NDE1: variants seen among roughly 807,000 people sequenced by gnomAD.
NDE1 encodes nudE neurodevelopment protein 1.
Under a neutral mutation model 43.4 loss-of-function variants are expected in NDE1, and 28 were observed. The observed-to-expected ratio is 0.65, with a 90% CI of 0.48 to 0.89. The LOEUF (loss-of-function observed/expected upper bound fraction) is 0.89, where lower values mean the gene tolerates loss of function less well. Among genes scored for constraint, NDE1 ranks in the 40% least tolerant of loss-of-function variants. The pLI is 0.00. For synonymous variants in NDE1, 184 were observed against 172.0 expected (o/e 1.07, Z -0.55); for missense variants, 441 against 434.1 (o/e 1.02, Z -0.14).
chr16:15,670,926 G>A (rs1292692093), intron 3 of NDE1, among the ~76,000 whole-genome samples: 4 of 152,164 alleles, frequency 2.6e-5, no homozygotes, highest in Non-Finnish European at 4.4e-5. Flanking sequence ...TCCCAGACAC[G>A]TTGAAGGTGG....
At chr16:15,650,020 A>G (rs2036414941), upstream of NDE1, among the ~76,000 whole-genome samples, 1 of 152,184 alleles carries the variant, frequency 6.6e-6, no homozygotes, top group Admixed American at 6.5e-5. Flanking sequence ...AGCCCGCCGC[A>G]GCCCAGCGCC....
intron 8 of NDE1, chr16:15,718,768 G>T (rs1038079968): frequency 6.6e-6 from 3 of 453,736 alleles, no homozygotes; most frequent in East Asian, 4.3e-5. Flanking sequence ...AAGCGCTGAC[G>T]GAAAACCTAA....
chr16:15,673,244 C>T (rs1224918795), intron 3 of NDE1, among the ~76,000 whole-genome samples: 1 of 152,018 alleles, frequency 6.6e-6, no homozygotes, highest in Non-Finnish European at 1.5e-5. Flanking sequence ...GATGGGGTCT[C>T]TGTCACCCAA....
intron 8 of NDE1, among the ~76,000 whole-genome samples, chr16:15,711,804 T>G (rs2039813567): frequency 6.6e-6 from 1 of 152,168 alleles, no homozygotes; most frequent in Non-Finnish European, 1.5e-5. Flanking sequence ...GCGATTCTCC[T>G]GCCTCAGCCT....
At chr16:15,652,749 G>C (rs1397659643) in intron 1 of NDE1, among the ~76,000 whole-genome samples, 1 of 151,972 alleles carries the variant, frequency 6.6e-6, no homozygotes, top group East Asian at 1.9e-4. Flanking sequence ...CTGCAGTCTC[G>C]ACCTCTCAGG....
intron 8 of NDE1, chr16:15,719,527 C>T: frequency 6.2e-7 from 1 of 1,611,360 alleles, no homozygotes; most frequent in South Asian, 1.1e-5. Flanking sequence ...CTGGAGCTGC[C>T]AAGGGGTGCT....
intron 2 of NDE1, among the ~76,000 whole-genome samples, chr16:15,665,660 G>C (rs1389328732): frequency 6.6e-6 from 1 of 151,602 alleles, no homozygotes; most frequent in African/African-American, 2.4e-5. Flanking sequence ...GGTCAGGCTG[G>C]TCTTGAACTC....
chr16:15,673,549 T>G (rs2037709824), intron 3 of NDE1, among the ~76,000 whole-genome samples: 1 of 141,276 alleles, frequency 7.1e-6, no homozygotes, highest in Admixed American at 7.0e-5. Context: ...GGCTGGTGAT[T>G]TTTTTTTTTT....
At chr16:15,702,738 A>T (rs1430139248) in intron 8 of NDE1, among the ~76,000 whole-genome samples, 1 of 152,058 alleles carries the variant, frequency 6.6e-6, no homozygotes, top group African/African-American at 2.4e-5. Flanking sequence ...GTGTTTGCTG[A>T]CTCATTGGAC....
chr16:15,695,478 A>G, intron 7 of NDE1: 1 of 971,410 alleles, frequency 1.0e-6, no homozygotes, highest in South Asian at 4.9e-5. Context: ...GCTGGGTGAC[A>G]AAGTGAGACT....
intron 4 of NDE1, chr16:15,684,351 G>T (rs1163906425): frequency 6.6e-6 from 1 of 152,144 alleles, no homozygotes; most frequent in Non-Finnish European, 1.5e-5. Context: ...CCAGCACTTT[G>T]GGAGGCAGAA....
chr16:15,715,074 T>C, intron 8 of NDE1: 1 of 1,613,254 alleles, frequency 6.2e-7, no homozygotes, highest in Non-Finnish European at 8.5e-7. Context: ...GGCATTGCCT[T>C]TCTCTGCCTG....
chr16:15,713,688 G>C (rs1323848771), intron 8 of NDE1: 1 of 152,176 alleles, frequency 6.6e-6, no homozygotes, highest in Non-Finnish European at 1.5e-5. Flanking sequence ...TGTAGAGATG[G>C]GGTCTTGCTG....
rs554011379 is a variant in NDE1, at chr16:15,719,441, T to C, written c.948-4750T>C. Reference sequence around the variant, plus strand: ...GCTCAGGGGAGGCCCCGTGAATACATAGAGGAGGGAAGCGTGTGTCTTTCT... The same window carrying C: ...GCTCAGGGGAGGCCCCGTGAATACACAGAGGAGGGAAGCGTGTGTCTTTCT... On this transcript the variant is annotated intron_variant, in intron 8 of 8. Transcript: ENST00000396354. 336 of 1,475,956 alleles carry C rather than the reference T, an allele frequency of 2.3e-4. 1 individual carries two copies. The Middle Eastern group carries it at 2.5e-3, about 11-fold the overall frequency. The allele number at this position is 1,475,956 out of a possible 1,614,324, so 91.4% of individuals were successfully genotyped here. A position where few individuals can be genotyped will look rare whatever the true frequency, so the allele number is the denominator to read the frequency against.
chr16:15,726,009 T>C lies in NDE1; in HGVS notation c.*1758T>C. 3.6e-6 allele frequency: 1 copy of C among 277,628 alleles called. No individual in the cohort carries two copies. The highest frequency in any genetic ancestry group is 6.7e-6 in the Non-Finnish European group (1 of 150,356). 17.2% of individuals were successfully genotyped at this position (277,628 alleles called of 1,614,324 possible). A position where few individuals can be genotyped will look rare whatever the true frequency, so the allele number is the denominator to read the frequency against. On this transcript the variant is annotated 3_prime_UTR_variant, in exon 9 of 9. Transcript: ENST00000396354. ...ACTCCAGCTCTACTGGCTGTATGTCTCTCTCCTAATTTTTCTACTTACCAC... is the reference window on the plus strand; with the variant it reads ...ACTCCAGCTCTACTGGCTGTATGTCCCTCTCCTAATTTTTCTACTTACCAC...
chr16:15,672,268 A>G (rs1376300851), intron 3 of NDE1, among the ~76,000 whole-genome samples: 1 of 152,080 alleles, frequency 6.6e-6, no homozygotes, highest in Non-Finnish European at 1.5e-5. Context: ...CCCCGTCTCT[A>G]CTAAAAATAA....
chr16:15,666,634 G>A lies in NDE1; in HGVS notation c.84-652G>A, dbSNP rs1223593612. On this transcript the variant is annotated intron_variant, in intron 2 of 8. Transcript: ENST00000396354. ...AAATAAATAAATAAAAATTATTTTA[G>A]AGTCAGGGTCTCACTCTGTCACCCA... Among the ~76,000 whole-genome samples, 7 of 152,146 alleles carry A rather than the reference G, an allele frequency of 4.6e-5. No individual in the cohort carries two copies. The South Asian group carries it at 1.5e-3, about 32-fold the overall frequency.
intron 8 of NDE1, chr16:15,714,541 GT>G: frequency 2.5e-6 from 1 of 396,886 alleles, no homozygotes; most frequent in South Asian, 2.6e-5. Flanking sequence ...CAGGAAGGAG[GT>G]GAAGTGGCGG....
rs568810217 is a variant in NDE1, at chr16:15,723,089, A to G, written c.948-1102A>G. On this transcript the variant is annotated intron_variant, in intron 8 of 8. Coordinates refer to ENST00000396354, the MANE Select transcript of NDE1 (RefSeq NM_017668.3). ...TAACCCTGAGTCACTTGTAAACTAA[A>G]TCATATTTACTAAATAATAATGTAT... 3.3e-5 allele frequency among the ~76,000 whole-genome samples: 5 copies of G among 152,260 alleles called. No individual in the cohort carries two copies. The East Asian group carries it at 9.7e-4, about 29-fold the overall frequency.
Sources: gnomAD v4.1 joint callset for allele counts (sites outside exome capture counted in the v4.1 genomes callset) on GRCh38, gnomAD v4.1.1 for gene constraint, MANE v1.5 for transcripts, NCBI Gene and HGNC (gene_info 2026-07-23, HGNC 2026-07-21) for gene names.